Variants in SAMMSON observed in about 807,000 individuals in gnomAD.
SAMMSON encodes long intergenic non-protein coding RNA 1212.
chr3:70,300,005 G>A (rs1190882891), intron 7 of SAMMSON, among the ~76,000 whole-genome samples: 4 of 151,980 alleles, frequency 2.6e-5, no homozygotes, highest in African/African-American at 9.7e-5. Context: ...CATACCTTGG[G>A]CCATCATATT....
At chr3:70,006,472 G>C (rs1298467466) in intron 1 of SAMMSON, among the ~76,000 whole-genome samples, 5 of 152,138 alleles carry the variant, frequency 3.3e-5, no homozygotes, top group Non-Finnish European at 7.4e-5. Context: ...GAAGTAAGTA[G>C]TCCAAGGACC....
At chr3:70,286,474 G>A (rs1370908923) in intron 6 of SAMMSON, among the ~76,000 whole-genome samples, 2 of 151,740 alleles carry the variant, frequency 1.3e-5, no homozygotes, top group African/African-American at 4.8e-5. Context: ...TTGTAGTATA[G>A]TTTGAAGTCA....
chr3:70,115,330 T>C (rs920862720), intron 4 of SAMMSON, among the ~76,000 whole-genome samples: 4 of 152,080 alleles, frequency 2.6e-5, no homozygotes, highest in Non-Finnish European at 5.9e-5. Flanking sequence ...TTAAGGACTA[T>C]GTGTGTTCAC....
intron 4 of SAMMSON, among the ~76,000 whole-genome samples, chr3:70,149,723 C>T (rs904356143): frequency 6.6e-6 from 1 of 151,972 alleles, no homozygotes; most frequent in African/African-American, 2.4e-5. Context: ...TTATGTTGTC[C>T]CAAGCTGTCT....
chr3:70,306,894 G>A (rs1702406455), intron 7 of SAMMSON, among the ~76,000 whole-genome samples: 1 of 152,000 alleles, frequency 6.6e-6, no homozygotes, highest in South Asian at 2.1e-4. Flanking sequence ...GTATAAATAT[G>A]TATGTATATG....
intron 3 of SAMMSON, among the ~76,000 whole-genome samples, chr3:70,031,682 GA>G (rs61145346): frequency 0.04 from 6,035 of 151,346 alleles, 339 homozygotes; most frequent in African/African-American, 0.12. Flanking sequence ...ATTTTTGCAG[GA>G]AAAAAAAATC....
chr3:70,324,499 C>T (rs1220259471), intron 7 of SAMMSON, among the ~76,000 whole-genome samples: 2 of 152,112 alleles, frequency 1.3e-5, no homozygotes, highest in Non-Finnish European at 2.9e-5. Flanking sequence ...GCACTGCGAT[C>T]CTAATACATA....
intron 6 of SAMMSON, among the ~76,000 whole-genome samples, chr3:70,284,740 T>C (rs2106685558): frequency 6.6e-6 from 1 of 152,184 alleles, no homozygotes; most frequent in African/African-American, 2.4e-5. Flanking sequence ...CACTGGGGCC[T>C]ATTGGAGGGT....
intron 7 of SAMMSON, among the ~76,000 whole-genome samples, chr3:70,307,293 C>T (rs1170260098): frequency 1.3e-5 from 2 of 152,108 alleles, no homozygotes; most frequent in African/African-American, 4.8e-5. Flanking sequence ...CCTGAAAAAT[C>T]AGGAGACACT....
intron 7 of SAMMSON, among the ~76,000 whole-genome samples, chr3:70,316,339 T>A (rs971838542): frequency 1.3e-4 from 20 of 152,116 alleles, no homozygotes; most frequent in African/African-American, 4.8e-4. Flanking sequence ...AAATTATATA[T>A]ATAATGTAAG....
At chr3:70,410,826 G>C (rs1559583567) in intron 2 of SAMMSON, among the ~76,000 whole-genome samples, 1 of 152,164 alleles carries the variant, frequency 6.6e-6, no homozygotes, top group Admixed American at 6.5e-5. Flanking sequence ...ACTAGGGCTT[G>C]CTTTTAGCAG....
chr3:70,347,560 A>G (rs183550882), intron 7 of SAMMSON, among the ~76,000 whole-genome samples: 155 of 152,232 alleles, frequency 1.0e-3, no homozygotes, highest in Non-Finnish European at 2.0e-3. Context: ...CTCTCATCAC[A>G]CACTAGAATG....
At chr3:70,275,275 C>T (rs1702012562) in intron 6 of SAMMSON, among the ~76,000 whole-genome samples, 1 of 152,106 alleles carries the variant, frequency 6.6e-6, no homozygotes, top group Admixed American at 6.6e-5. Flanking sequence ...GTAATCTCAG[C>T]ACTTTGGCAG....
At chr3:70,309,549 A>G (rs946635030) in intron 7 of SAMMSON, among the ~76,000 whole-genome samples, 2 of 152,200 alleles carry the variant, frequency 1.3e-5, no homozygotes, top group African/African-American at 2.4e-5. Flanking sequence ...ACATGGCACA[A>G]TCACCCAGCT....
At chr3:70,377,783 A>G (rs1703033012) in intron 9 of SAMMSON, among the ~76,000 whole-genome samples, 1 of 152,106 alleles carries the variant, frequency 6.6e-6, no homozygotes, top group Non-Finnish European at 1.5e-5. Flanking sequence ...TTAGGTGAGC[A>G]AAAGGCAAGT....
At chr3:70,192,322 C>T (rs1188260974) in intron 4 of SAMMSON, among the ~76,000 whole-genome samples, 1 of 152,174 alleles carries the variant, frequency 6.6e-6, no homozygotes, top group African/African-American at 2.4e-5. Context: ...AGTTCTGCTT[C>T]CCACCCTTTG....
intron 4 of SAMMSON, among the ~76,000 whole-genome samples, chr3:70,102,908 G>A (rs749662743): frequency 1.1e-4 from 17 of 152,170 alleles, no homozygotes; most frequent in Non-Finnish European, 2.1e-4. Flanking sequence ...GTGCCTCTCT[G>A]TTGAGAATGG....
Position 70,092,546 on chromosome 3 carries a change from T to G in SAMMSON, n.507+20981T>G, listed in dbSNP as rs1180373358. Among the ~76,000 whole-genome samples the G allele has an allele frequency of 5.9e-5, 9 of 152,066 alleles. 1 individual carries two copies. Among genetic ancestry groups the G allele is most frequent in the Admixed American group, 4.6e-4 (7 of 15,254 alleles). ...CTACATCATCTATCATTTTATTATT[T>G]CCTGCTTTGTACTGTTTAATTTAAA... On this transcript the variant is annotated intron_variant and non_coding_transcript_variant, in intron 4 of 9. Transcript: ENST00000642114.
chr3:70,264,770 A>G (rs879488209), intron 6 of SAMMSON, among the ~76,000 whole-genome samples: 1 of 152,222 alleles, frequency 6.6e-6, no homozygotes. Context: ...GAATCTCATG[A>G]TAGGGAAAAT....
Sources: allele counts gnomAD v4.1 joint callset (sites outside exome capture counted in the v4.1 genomes callset), GRCh38; gene constraint gnomAD v4.1.1; transcripts MANE v1.5; gene names NCBI Gene and HGNC (gene_info 2026-07-23, HGNC 2026-07-21).